ADAMTS6: variants seen among roughly 807,000 people sequenced by gnomAD.
ADAMTS6 encodes ADAM metallopeptidase with thrombospondin type 1 motif 6.
In ADAMTS6, 23 loss-of-function variants were observed where a neutral mutation model predicts 144.3. The ratio of observed to expected loss-of-function variants is 0.16; its 90% CI spans 0.11 to 0.23. The LOEUF (loss-of-function observed/expected upper bound fraction) is 0.23. Among genes scored for constraint, ADAMTS6 ranks in the 10% least tolerant of loss-of-function variants. The pLI, the probability that ADAMTS6 is intolerant of heterozygous loss-of-function variation, is 1.00. For synonymous variants in ADAMTS6, 444 were observed against 457.5 expected (o/e 0.97, Z 0.38); for missense variants, 999 against 1,379.6 (o/e 0.72, Z 4.37).
chr5:65,390,899 T>C (rs1312493304), intron 7 of ADAMTS6, among the ~76,000 whole-genome samples: 5 of 152,194 alleles, frequency 3.3e-5, no homozygotes, highest in African/African-American at 1.2e-4. Flanking sequence ...CTTCTACTAG[T>C]TTATTAAATT....
At chr5:65,262,226 T>C (rs936370941) in intron 13 of ADAMTS6, among the ~76,000 whole-genome samples, 2 of 152,130 alleles carry the variant, frequency 1.3e-5, no homozygotes, top group Non-Finnish European at 2.9e-5. Flanking sequence ...AAAACAGTGG[T>C]GGAAGAGGTG....
chr5:65,480,330 TTC>T (rs1761117034), intron 1 of ADAMTS6, among the ~76,000 whole-genome samples: 1 of 139,874 alleles, frequency 7.1e-6, no homozygotes, highest in Non-Finnish European at 1.6e-5. Flanking sequence ...GCCCCCACCA[TTC>T]CACTTCGCCC....
chr5:65,180,758 T>G (rs2112133979), intron 22 of ADAMTS6, among the ~76,000 whole-genome samples: 1 of 152,254 alleles, frequency 6.6e-6, no homozygotes, highest in South Asian at 2.1e-4. Context: ...AAATTCAAAC[T>G]CTATATATGC....
chr5:65,442,633 T>A (rs191797066), intron 7 of ADAMTS6, among the ~76,000 whole-genome samples: 3 of 149,196 alleles, frequency 2.0e-5, no homozygotes, highest in Admixed American at 2.0e-4. Context: ...AATATAAATC[T>A]AAAAAAAAAA....
rs186324281 is a variant in ADAMTS6, at chr5:65,265,168, T to C, written c.1621-2206A>G. Among the ~76,000 whole-genome samples, 10 of 152,138 alleles carry C rather than the reference T, an allele frequency of 6.6e-5. No homozygotes were observed. In the East Asian group the frequency reaches 1.5e-3, roughly 23 times the overall value. On this transcript the variant is annotated intron_variant, in intron 12 of 24. Transcript: ENST00000381055. ...AGAATATCTGACCCTAAGTCTGATA[T>C]ATATTAAAACAGGATATTAAGAAAG...
At chr5:65,250,598 A>G (rs1327280110) in intron 14 of ADAMTS6, among the ~76,000 whole-genome samples, 1 of 152,200 alleles carries the variant, frequency 6.6e-6, no homozygotes, top group African/African-American at 2.4e-5. Flanking sequence ...ATATTTTTAT[A>G]GCTTTTATGC....
intron 7 of ADAMTS6, among the ~76,000 whole-genome samples, chr5:65,426,313 C>T (rs895803337): frequency 6.6e-6 from 1 of 151,250 alleles, no homozygotes; most frequent in Non-Finnish European, 1.5e-5. Context: ...CCCACCTTGG[C>T]CTCCCAAAGT....
intron 7 of ADAMTS6, among the ~76,000 whole-genome samples, chr5:65,426,073 T>C: frequency 6.9e-6 from 1 of 144,368 alleles, no homozygotes; most frequent in African/African-American, 2.6e-5. Context: ...TGAGACTGAG[T>C]TTCGCTCTTG....
chr5:65,211,414 C>T (rs530135167), intron 20 of ADAMTS6, among the ~76,000 whole-genome samples: 5 of 152,150 alleles, frequency 3.3e-5, no homozygotes, highest in Non-Finnish European at 7.4e-5. Context: ...CCAGCCTGGC[C>T]AACATGGTGA....
At chr5:65,420,713 G>A (rs996108085) in intron 7 of ADAMTS6, among the ~76,000 whole-genome samples, 3 of 152,084 alleles carry the variant, frequency 2.0e-5, no homozygotes, top group Non-Finnish European at 2.9e-5. Context: ...GAAAGAAAAA[G>A]GAATGCCCTT....
chr5:65,461,207 T>A (rs149736047), intron 3 of ADAMTS6, among the ~76,000 whole-genome samples: 1 of 152,212 alleles, frequency 6.6e-6, no homozygotes, highest in South Asian at 2.1e-4. Flanking sequence ...CACCCTCCAC[T>A]GAGCTCCAAT....
At chr5:65,459,349 G>A (rs777342854) in intron 4 of ADAMTS6, among the ~76,000 whole-genome samples, 11 of 152,000 alleles carry the variant, frequency 7.2e-5, no homozygotes, top group Non-Finnish European at 1.2e-4. Context: ...TCTAGTGCAC[G>A]TAGGATAAAC....
intron 11 of ADAMTS6, among the ~76,000 whole-genome samples, chr5:65,289,213 G>A (rs192241857): frequency 2.0e-3 from 307 of 152,232 alleles, no homozygotes; most frequent in African/African-American, 6.3e-3. Context: ...ATCTATTACA[G>A]AAGTCTTTAT....
intron 7 of ADAMTS6, among the ~76,000 whole-genome samples, chr5:65,375,453 C>A (rs1751432791): frequency 6.6e-6 from 1 of 151,514 alleles, no homozygotes; most frequent in East Asian, 1.9e-4. Flanking sequence ...GGGCGAAGGA[C>A]ATGAACAGAC....
chr5:65,376,765 A>G (rs1751597458), intron 7 of ADAMTS6, among the ~76,000 whole-genome samples: 2 of 152,082 alleles, frequency 1.3e-5, no homozygotes. Flanking sequence ...TGGGAGGTAG[A>G]GGCTGCAGTG....
At chr5:65,253,247 G>A (rs1341424889) in intron 14 of ADAMTS6, among the ~76,000 whole-genome samples, 1 of 152,118 alleles carries the variant, frequency 6.6e-6, no homozygotes. Flanking sequence ...AAAACACACA[G>A]CAAGTCTCAA....
chr5:65,357,118 T>C (rs1034646717), intron 7 of ADAMTS6, among the ~76,000 whole-genome samples: 11 of 151,722 alleles, frequency 7.3e-5, no homozygotes, highest in Non-Finnish European at 1.6e-4. Context: ...AACTACTTCA[T>C]GTGTATCAAT....
intron 9 of ADAMTS6, among the ~76,000 whole-genome samples, chr5:65,304,792 C>A (rs1743770404): frequency 6.6e-6 from 1 of 151,920 alleles, no homozygotes. Flanking sequence ...ATCTTTAGCA[C>A]TACACCACAT....
At chr5:65,255,907 A>C (rs1408969323) in intron 14 of ADAMTS6, among the ~76,000 whole-genome samples, 1 of 152,134 alleles carries the variant, frequency 6.6e-6, no homozygotes, top group Non-Finnish European at 1.5e-5. Context: ...TCTCACTGTC[A>C]CCCAGGCTGT....
Sources: gnomAD v4.1 joint callset for allele counts (sites outside exome capture counted in the v4.1 genomes callset) on GRCh38, gnomAD v4.1.1 for gene constraint, MANE v1.5 for transcripts, NCBI Gene and HGNC (gene_info 2026-07-23, HGNC 2026-07-21) for gene names.